Variants in ADAM17 observed in about 807,000 individuals in gnomAD.
ADAM17 encodes ADAM metallopeptidase domain 17.
In ADAM17, 39 loss-of-function variants were observed where a neutral mutation model predicts 96.7. The observed-to-expected ratio is 0.40, with a 90% CI of 0.31 to 0.53. The LOEUF (loss-of-function observed/expected upper bound fraction) is 0.53, where lower values mean the gene tolerates loss of function less well. Among genes scored for constraint, ADAM17 ranks in the 20% least tolerant of loss-of-function variants. ADAM17 has a pLI of 0.44. For missense variants in ADAM17, 777 were observed against 1,013.2 expected, an observed-to-expected ratio of 0.77 and a Z score of 3.17; for synonymous variants, 344 against 359.2, an observed-to-expected ratio of 0.96 and a Z score of 0.48.
intron 4 of ADAM17, among the ~76,000 whole-genome samples, chr2:9,529,598 C>T (rs968273577): frequency 6.6e-6 from 1 of 152,110 alleles, no homozygotes; most frequent in African/African-American, 2.4e-5. Context: ...GGAAGTATGG[C>T]TAAAGGATAC....
chr2:9,555,479 C>G, intron 1 of ADAM17, 30 bp downstream of exon 1: 2 of 1,529,666 alleles, frequency 1.3e-6, no homozygotes, highest in Non-Finnish European at 1.8e-6. Context: ...CTCCAGGCGC[C>G]GGCCTAAGCC....
chr2:9,521,060 T>G, intron 8 of ADAM17, 143 bp downstream of exon 8: 3 of 511,024 alleles, frequency 5.9e-6, no homozygotes, highest in East Asian at 3.3e-5. Context: ...CTACATGGGA[T>G]GGGGTTACTG....
chr2:9,524,169 CA>C (rs1172443933), intron 6 of ADAM17, among the ~76,000 whole-genome samples: 1 of 151,922 alleles, frequency 6.6e-6, no homozygotes, highest in Non-Finnish European at 1.5e-5. Context: ...GGCTTCTGGT[CA>C]ACAGTAGACT....
At chr2:9,497,421 G>A (rs1279182243) in intron 13 of ADAM17, among the ~76,000 whole-genome samples, 173 bp from the exon 14 acceptor site, 2 of 152,212 alleles carry the variant, frequency 1.3e-5, no homozygotes, top group African/African-American at 2.4e-5. Flanking sequence ...CATTTAAATG[G>A]GAGTGCCTGG....
chr2:9,543,101 C>T, intron 2 of ADAM17, 52 bp downstream of exon 2: 1 of 1,495,646 alleles, frequency 6.7e-7, no homozygotes, highest in Non-Finnish European at 8.9e-7. Context: ...TTTGTTTTTG[C>T]CAAACCAAGC....
At chr2:9,514,914 G>A (rs1374090938) in intron 10 of ADAM17, among the ~76,000 whole-genome samples, 1 of 152,066 alleles carries the variant, frequency 6.6e-6, no homozygotes, top group Admixed American at 6.6e-5. Flanking sequence ...GCTCAGGCTG[G>A]AATGTAGCGG....
chr2:9,523,485 TTACTG>T (rs1664393837), intron 6 of ADAM17, 147 bp from the exon 7 acceptor site: 1 of 634,334 alleles, frequency 1.6e-6, no homozygotes, highest in Admixed American at 3.0e-5. Flanking sequence ...CATTGAGATG[TTACTG>T]TATCAGAGTA....
chr2:9,498,373 G>T (rs1662773603), intron 13 of ADAM17, among the ~76,000 whole-genome samples: 1 of 152,178 alleles, frequency 6.6e-6, no homozygotes, highest in Non-Finnish European at 1.5e-5. Context: ...GTTAAACTGG[G>T]AGAGACAGGA....
At chr2:9,511,831 C>T (rs1663759296) in intron 10 of ADAM17, among the ~76,000 whole-genome samples, 1 of 151,626 alleles carries the variant, frequency 6.6e-6, no homozygotes, top group South Asian at 2.1e-4. Flanking sequence ...CCTAGCCAGG[C>T]ATTGTGGTGG....
chr2:9,500,362 C>G (rs951243939), intron 13 of ADAM17, among the ~76,000 whole-genome samples: 6 of 152,122 alleles, frequency 3.9e-5, no homozygotes, highest in African/African-American at 1.4e-4. Flanking sequence ...CAGACAACTC[C>G]ATAAAGAATA....
In ADAM17 at chr2:9,518,594, CA is replaced by C. The variant is rs201338844; in HGVS notation, c.958-348del. ...ATGCTCCAATTCGATAAGGGGATTG[CA>C]GCACTCCAGGCCAAAACAGATCCCT... is the stretch of plus-strand genomic sequence containing the variant. On this transcript the variant is annotated intron_variant, in intron 8 of 18. Coordinates refer to ENST00000310823, the MANE Select transcript of ADAM17 (RefSeq NM_003183.6). 3.1e-3 allele frequency among the ~76,000 whole-genome samples: 472 copies of C among 152,328 alleles called. 4 individuals are homozygous for C. Among genetic ancestry groups the C allele is most frequent in the African/African-American group, 0.011 (443 of 41,572 alleles).
At chr2:9,517,223 T>C (rs1268640224) in intron 10 of ADAM17, among the ~76,000 whole-genome samples, 1 of 152,196 alleles carries the variant, frequency 6.6e-6, no homozygotes, top group African/African-American at 2.4e-5. Context: ...TTATTTAATT[T>C]TCTGTTATTT....
intron 11 of ADAM17, among the ~76,000 whole-genome samples, 173 bp downstream of exon 11, chr2:9,509,806 A>G (rs1329602525): frequency 6.6e-6 from 1 of 152,200 alleles, no homozygotes; most frequent in Non-Finnish European, 1.5e-5. Context: ...AACCAGATTT[A>G]GATGAACCGT....
intron 4 of ADAM17, among the ~76,000 whole-genome samples, chr2:9,529,840 G>A (rs1664668462): frequency 6.6e-6 from 1 of 151,612 alleles, no homozygotes; most frequent in Non-Finnish European, 1.5e-5. Context: ...GCATGGTGGT[G>A]GGCGCCTGTA....
Position 9,497,866 on chromosome 2 carries a change from T to C in ADAM17, c.1649-618A>G, listed in dbSNP as rs186253708. Among the ~76,000 whole-genome samples, 13 of 152,220 alleles carry C rather than the reference T, an allele frequency of 8.5e-5. No homozygotes were observed. In the East Asian group the frequency reaches 2.5e-3, roughly 29 times the overall value. ...CTATCACACTCCTTCTCTCCTTCAT[T>C]GCATATGTTTTGCAATTTATATATA... On this transcript the variant is annotated intron_variant, in intron 13 of 18. Transcript: ENST00000310823.
intron 10 of ADAM17, 83 bp downstream of exon 10, chr2:9,517,817 TA>T (rs1558511656): frequency 5.5e-6 from 5 of 906,642 alleles, no homozygotes; most frequent in Non-Finnish European, 7.7e-6. Context: ...TTACATTTTT[TA>T]AAAAAATACC....
chr2:9,532,009 G>T (rs1226687628), intron 4 of ADAM17, among the ~76,000 whole-genome samples: 1 of 152,146 alleles, frequency 6.6e-6, no homozygotes, highest in African/African-American at 2.4e-5. Flanking sequence ...CTACTCAGGA[G>T]GCAGAAAAGA....
rs551542550 is a variant in ADAM17, at chr2:9,525,483, G to A, written c.753+628C>T. Among the ~76,000 whole-genome samples, 6 of 152,260 alleles carry A rather than the reference G, an allele frequency of 3.9e-5. No homozygotes were observed. In the East Asian group the frequency reaches 1.2e-3, roughly 29 times the overall value. ...TCCCTCAGTAACAACATTTTGGTCAGTGCCAAGTAATCATGACGAATGAAG... is the reference window on the plus strand; with the variant it reads ...TCCCTCAGTAACAACATTTTGGTCAATGCCAAGTAATCATGACGAATGAAG... On this transcript the variant is annotated intron_variant, in intron 6 of 18. Coordinates refer to ENST00000310823, the MANE Select transcript of ADAM17 (RefSeq NM_003183.6).
chr2:9,546,360 T>C (rs1665404307), intron 1 of ADAM17, among the ~76,000 whole-genome samples: 1 of 152,178 alleles, frequency 6.6e-6, no homozygotes, highest in East Asian at 1.9e-4. Flanking sequence ...ACTGGATATC[T>C]CAAATTGAAG....
Sources: allele counts gnomAD v4.1 joint callset (sites outside exome capture counted in the v4.1 genomes callset), GRCh38; gene constraint gnomAD v4.1.1; transcripts MANE v1.5; gene names NCBI Gene and HGNC (gene_info 2026-07-23, HGNC 2026-07-21).